Variants in SLFN5 observed in about 807,000 individuals in gnomAD.
SLFN5 encodes schlafen family member 5.
In SLFN5, 34 loss-of-function variants were observed where a neutral mutation model predicts 48.5. That is an observed-to-expected ratio of 0.70 (90% confidence interval 0.53 to 0.93). The LOEUF is 0.93. Ranked by LOEUF, SLFN5 falls within the 40% of genes least tolerant of loss-of-function variation. SLFN5 has a pLI of 0.00. For synonymous variants in SLFN5, 387 were observed against 396.2 expected, an observed-to-expected ratio of 0.98 and a Z score of 0.28; for missense variants, 1,006 against 1,071.3, an observed-to-expected ratio of 0.94 and a Z score of 0.85.
At position 35,248,344 on chromosome 17, in the gene SLFN5, C is replaced by A. The variant is rs552088968; in HGVS notation, c.-41+5201C>A. ...AGAGGCCTCCAAATGAAATTCTGAT[C>A]AAAAATTGCTTCATTAAAAGATTCT... is the stretch of plus-strand genomic sequence containing the variant. On this transcript the variant is annotated intron_variant, in intron 1 of 4. Transcript: ENST00000299977. Among the ~76,000 whole-genome samples, 10 of 152,248 alleles carry A rather than the reference C, an allele frequency of 6.6e-5. No homozygotes were observed. The East Asian group carries it at 1.7e-3, about 26-fold the overall frequency.
rs1334197866 is a variant in SLFN5 at position 35,269,552 on chromosome 17, C to G, written c.*3664C>G. ...GGACCTGATAGAATAAAATGACAAG[C>G]TGACCAAATAGGCCTTAGAAGGGAG... On this transcript the variant is annotated 3_prime_UTR_variant, in exon 5 of 5. Transcript: ENST00000299977. The G allele has an allele frequency of 6.6e-6, 1 of 152,120 alleles. No individual in the cohort carries two copies. The highest frequency in any genetic ancestry group is 6.6e-5 in the Admixed American group (1 of 15,262). The allele number at this position is 152,120 out of a possible 1,614,324, so 9.4% of individuals were successfully genotyped here.
Position 35,264,098 on chromosome 17 carries a change from G to T in SLFN5, c.1139-85G>T, listed in dbSNP as rs1904601258. On this transcript the variant is annotated intron_variant, in intron 3 of 4. Transcript: ENST00000299977. ...ATTGTAGATACATAGTAGAGTCCCA[G>T]TGTTGATTAATTCTTCTACGTATAA... is the stretch of plus-strand genomic sequence containing the variant. 23 of 1,456,170 alleles carry T rather than the reference G, an allele frequency of 1.6e-5. No homozygotes were observed. The South Asian group carries it at 3.2e-4, about 20-fold the overall frequency. The allele number at this position is 1,456,170 out of a possible 1,614,324, so 90.2% of individuals were successfully genotyped here.
At chr17:35,262,272 C>T (rs538945249) in intron 3 of SLFN5, among the ~76,000 whole-genome samples, 8 of 150,050 alleles carry the variant, frequency 5.3e-5, no homozygotes, top group Non-Finnish European at 7.4e-5. Context: ...CCCAGCTCCT[C>T]GGGAGGCTGA....
At chr17:35,263,277 C>T (rs1488900686) in intron 3 of SLFN5, among the ~76,000 whole-genome samples, 1 of 151,932 alleles carries the variant, frequency 6.6e-6, no homozygotes, top group Non-Finnish European at 1.5e-5. Flanking sequence ...ATTACAGGCA[C>T]GCACCACCAT....
chr17:35,260,570 C>CA (rs1472405422), intron 2 of SLFN5, among the ~76,000 whole-genome samples: 1 of 151,974 alleles, frequency 6.6e-6, no homozygotes, highest in African/African-American at 2.4e-5. Context: ...ACCAAAAATA[C>CA]AAAAAATTAG....
At chr17:35,258,172 G>A (rs903585905) in intron 1 of SLFN5, among the ~76,000 whole-genome samples, 1 of 152,134 alleles carries the variant, frequency 6.6e-6, no homozygotes, top group African/African-American at 2.4e-5. Context: ...CTGACCTCAA[G>A]CTATGTGGGA....
At position 35,268,156 on chromosome 17, in the gene SLFN5, T is replaced by C. The variant is rs1904748110; in HGVS notation, c.*2268T>C. ...TCATATCAGGCTACACAAAAGTAGATGGAAGACACCACCCAGGCCTCCAGC... is the reference window on the plus strand; with the variant it reads ...TCATATCAGGCTACACAAAAGTAGACGGAAGACACCACCCAGGCCTCCAGC... On this transcript the variant is annotated 3_prime_UTR_variant, in exon 5 of 5. Transcript: ENST00000299977. 1.3e-5 allele frequency: 2 copies of C among 152,364 alleles called. No homozygotes were observed. The highest frequency in any genetic ancestry group is 1.9e-4 in the East Asian group (1 of 5,188). The allele number at this position is 152,364 out of a possible 1,614,324, so 9.4% of individuals were successfully genotyped here. A position where few individuals can be genotyped will look rare whatever the true frequency, so the allele number is the denominator to read the frequency against.
At position 35,273,386 on chromosome 17, in the gene SLFN5, A is replaced by G. The variant is rs1289238503; in HGVS notation, c.*7498A>G. ...ACTTTTGGATTCTGTACCACGTAAT[A>G]ATTTTGATGTAAATTTTGCTGTGTG... On this transcript the variant is annotated 3_prime_UTR_variant, in exon 5 of 5. Transcript: ENST00000299977. 1 of 152,148 alleles carries G rather than the reference A, an allele frequency of 6.6e-6. No homozygotes were observed. The highest frequency in any genetic ancestry group is 1.9e-4 in the East Asian group (1 of 5,202). The allele number at this position is 152,148 out of a possible 1,614,324, so 9.4% of individuals were successfully genotyped here. A position where few individuals can be genotyped will look rare whatever the true frequency, so the allele number is the denominator to read the frequency against.
Position 35,265,319 on chromosome 17 carries a change from T to C in SLFN5, c.2107T>C (p.Tyr703His), listed in dbSNP as rs116066814. 1.0e-3 allele frequency: 1,645 copies of C among 1,614,138 alleles called. 18 individuals are homozygous for C. In the African/African-American group the frequency reaches 0.018, roughly 18 times the overall value. ...CSGLPPPSDQ[Y>H]PREEINRVVR... Reference sequence around the variant, plus strand: ...TGGCCTCCCCCCTCCCTCAGACCAGTATCCAAGAGAAGAGATCAACAGAGT... The same window carrying C: ...TGGCCTCCCCCCTCCCTCAGACCAGCATCCAAGAGAAGAGATCAACAGAGT... Residue 703 changes from tyrosine (Y) to histidine (H), a missense_variant, in exon 5 of 5, where the codon TAT becomes CAT. Tyr to His is a moderately conservative substitution (Grantham distance 83). Transcript: ENST00000299977.
intron 3 of SLFN5, among the ~76,000 whole-genome samples, chr17:35,262,087 A>T (rs1904537193): frequency 6.6e-6 from 1 of 152,114 alleles, no homozygotes; most frequent in African/African-American, 2.4e-5. Flanking sequence ...TTAAGGATAA[A>T]TTCCAAGTAG....
Position 35,265,801 on chromosome 17 carries a change from A to T in SLFN5, c.2589A>T (p.Val863=), listed in dbSNP as rs1471227428. 1.2e-6 allele frequency: 2 copies of T among 1,614,070 alleles called. No individual in the cohort carries two copies. Among genetic ancestry groups the T allele is most frequent in the African/African-American group, 2.7e-5 (2 of 74,926 alleles). The change falls in exon 5 of 5, where the codon GTA becomes GTT. Residue 863 remains valine (V), a synonymous_variant. Coordinates refer to ENST00000299977, the MANE Select transcript of SLFN5 (RefSeq NM_144975.4). ...TCGTGTTTGGAATCAATCCAGGAGT[A>T]GCCCCACCGGCTGGGGCCTACAATC... ...RNIVFGINPG[V]APPAGAYNLL... is the part of the protein sequence containing the mutation.
rs369250384 is a variant in SLFN5, at chr17:35,264,540, C to T, written c.1496C>T (p.Ser499Phe). 4 of 1,613,986 alleles carry T rather than the reference C, an allele frequency of 2.5e-6. No individual in the cohort carries two copies. The African/African-American group carries it at 5.3e-5, about 22-fold the overall frequency. The change falls in exon 4 of 5, where the codon TCT (serine) becomes TTT (phenylalanine). Residue 499 changes from serine (S) to phenylalanine (F), a missense_variant. Transcript: ENST00000299977. ...ACCCCCTTGGTCTGTGTGCTGAATT[C>T]TGATAGAAAAGCACAGAGCGTTTAC... ...CITPLVCVLNSDRKAQSVYSS... is the reference protein window; with the variant it reads ...CITPLVCVLNFDRKAQSVYSS...
At chr17:35,260,808 A>G (rs1385010254) in intron 2 of SLFN5, among the ~76,000 whole-genome samples, 163 bp from the exon 3 acceptor site, 1 of 152,200 alleles carries the variant, frequency 6.6e-6, no homozygotes, top group East Asian at 1.9e-4. Context: ...TTTTCCTTCA[A>G]AAACCTCAGT....
chr17:35,261,832 C>T (rs886670582), intron 3 of SLFN5, among the ~76,000 whole-genome samples: 2 of 151,704 alleles, frequency 1.3e-5, no homozygotes, highest in African/African-American at 2.4e-5. Flanking sequence ...CATGCCACCA[C>T]ACCCAGCTAA....
chr17:35,273,487 C>T lies in SLFN5; in HGVS notation c.*7599C>T, dbSNP rs1042338471. 2.6e-5 allele frequency: 4 copies of T among 151,606 alleles called. No individual in the cohort carries two copies. Among genetic ancestry groups the T allele is most frequent in the Non-Finnish European group, 5.9e-5 (4 of 67,962 alleles). 9.4% of individuals were successfully genotyped at this position (151,606 alleles called of 1,614,324 possible). A position where few individuals can be genotyped will look rare whatever the true frequency, so the allele number is the denominator to read the frequency against. ...TATCAATGAATATCCTGGGATAAACCCCTCATGATCATAATGAATAATGAT... is the reference window on the plus strand; with the variant it reads ...TATCAATGAATATCCTGGGATAAACTCCTCATGATCATAATGAATAATGAT... On this transcript the variant is annotated 3_prime_UTR_variant, in exon 5 of 5. Coordinates refer to ENST00000299977, the MANE Select transcript of SLFN5 (RefSeq NM_144975.4).
At position 35,255,166 on chromosome 17, in the gene SLFN5, A is replaced by G. The variant is rs147768747; in HGVS notation, c.-40-3485A>G. 5.3e-5 allele frequency among the ~76,000 whole-genome samples: 8 copies of G among 152,370 alleles called. No individual in the cohort carries two copies. The East Asian group carries it at 1.5e-3, about 29-fold the overall frequency. ...TCCTGTTATTCTTCTAATTAGAAAA[A>G]GGATTAATGATGTTAAAAAAGACAA... On this transcript the variant is annotated intron_variant, in intron 1 of 4. Transcript: ENST00000299977.
chr17:35,247,572 C>T (rs2092433625), intron 1 of SLFN5, among the ~76,000 whole-genome samples: 1 of 152,028 alleles, frequency 6.6e-6, no homozygotes, highest in Non-Finnish European at 1.5e-5. Context: ...CTGAATGTCT[C>T]TTTTTTTTGA....
rs1476996948 is a variant in SLFN5, at chr17:35,272,184, C to A, written c.*6296C>A. 6.6e-6 allele frequency: 1 copy of A among 151,902 alleles called. No individual in the cohort carries two copies. The highest frequency in any genetic ancestry group is 2.4e-5 in the African/African-American group (1 of 41,302). The allele number at this position is 151,902 out of a possible 1,614,324, so 9.4% of individuals were successfully genotyped here. A position where few individuals can be genotyped will look rare whatever the true frequency, so the allele number is the denominator to read the frequency against. ...AATGTGGTGCTGATATGTGGAGGGT[C>A]AATGGAACAAGATGAAATGGCCAAA... On this transcript the variant is annotated 3_prime_UTR_variant, in exon 5 of 5. Coordinates refer to ENST00000299977, the MANE Select transcript of SLFN5 (RefSeq NM_144975.4).
At position 35,252,577 on chromosome 17, in the gene SLFN5, T is replaced by G. The variant is rs1415838940; in HGVS notation, c.-40-6074T>G. Among the ~76,000 whole-genome samples, 4 of 152,188 alleles carry G rather than the reference T, an allele frequency of 2.6e-5. No individual in the cohort carries two copies. In the East Asian group the frequency reaches 7.7e-4, roughly 29 times the overall value. On this transcript the variant is annotated intron_variant, in intron 1 of 4. Coordinates refer to ENST00000299977, the MANE Select transcript of SLFN5 (RefSeq NM_144975.4). ...TCTGGATGCTTTTAAGATTTTTTTC[T>G]GTATCACTGGTTTTGAACAATTTAA...
Sources: gnomAD v4.1 joint callset for allele counts (sites outside exome capture counted in the v4.1 genomes callset) on GRCh38, gnomAD v4.1.1 for gene constraint, MANE v1.5 for transcripts, NCBI Gene and HGNC (gene_info 2026-07-23, HGNC 2026-07-21) for gene names.